The following CDC42BPA variants were observed in gnomAD, a reference collection of about 807,000 sequenced individuals.
CDC42BPA encodes CDC42 binding protein kinase alpha.
Under a neutral mutation model 223.5 loss-of-function variants are expected in CDC42BPA, and 80 were observed. That is an observed-to-expected ratio of 0.36 (90% CI 0.30 to 0.43). CDC42BPA has a LOEUF of 0.43. Ranked by LOEUF, CDC42BPA falls within the 20% of genes least tolerant of loss-of-function variation. The pLI, the probability that CDC42BPA is intolerant of heterozygous loss-of-function variation, is 1.00. For missense variants in CDC42BPA, 1,743 were observed against 2,099.9 expected (o/e 0.83, Z 3.32); for synonymous variants, 694 against 718.6 (o/e 0.97, Z 0.55).
intron 5 of CDC42BPA, among the ~76,000 whole-genome samples, chr1:227,168,571 C>G (rs950487428): frequency 7.2e-6 from 1 of 138,070 alleles, no homozygotes. Flanking sequence ...TCTCCGCTCG[C>G]TGCAAGCTCC....
intron 20 of CDC42BPA, among the ~76,000 whole-genome samples, chr1:227,071,179 T>C (rs776900331): frequency 2.6e-5 from 4 of 151,900 alleles, no homozygotes; most frequent in Non-Finnish European, 5.9e-5. Context: ...AGGCTTTTTC[T>C]TGTTAGCTTC....
intron 21 of CDC42BPA, 53 bp from the exon 22 acceptor site, chr1:227,052,038 T>A (rs55865118): frequency 0.14 from 151,996 of 1,120,602 alleles, 11,951 homozygotes; most frequent in African/African-American, 0.25. Context: ...TTTTCAACAA[T>A]GTGCAGGCTT....
At chr1:227,277,064 T>A in intron 1 of CDC42BPA, among the ~76,000 whole-genome samples, 2 of 118,220 alleles carry the variant, frequency 1.7e-5, no homozygotes, top group African/African-American at 6.5e-5. Context: ...CACCCAAGAA[T>A]GATCAATAAA....
At chr1:227,158,603 A>C (rs1218009007) in intron 6 of CDC42BPA, among the ~76,000 whole-genome samples, 1 of 152,182 alleles carries the variant, frequency 6.6e-6, no homozygotes, top group Non-Finnish European at 1.5e-5. Flanking sequence ...GAAGACTTCC[A>C]AACTCTATGG....
At chr1:227,255,151 G>A (rs997965280) in intron 1 of CDC42BPA, among the ~76,000 whole-genome samples, 6 of 152,132 alleles carry the variant, frequency 3.9e-5, no homozygotes, top group Admixed American at 2.0e-4. Flanking sequence ...AAGTTTAAAC[G>A]TGTCTCCTTT....
chr1:227,118,998 A>C (rs1447467302), intron 12 of CDC42BPA, among the ~76,000 whole-genome samples: 1 of 152,032 alleles, frequency 6.6e-6, no homozygotes, highest in Non-Finnish European at 1.5e-5. Context: ...AATTCCCTCC[A>C]TCTCCTTCCT....
Position 227,092,038 on chromosome 1 carries a change from T to C in CDC42BPA, c.2250-47A>G, listed in dbSNP as rs757857962. On this transcript the variant is annotated intron_variant, in intron 15 of 36. Transcript: ENST00000366766. Reference sequence around the variant, plus strand: ...AAGGAAAAAGGGGAATTAAAGGTCATTTGAAAACTTGAAATTATTTTTCCA... The same window carrying C: ...AAGGAAAAAGGGGAATTAAAGGTCACTTGAAAACTTGAAATTATTTTTCCA... 12 of 1,043,732 alleles carry C rather than the reference T, an allele frequency of 1.1e-5. 1 individual carries two copies. The South Asian group carries it at 1.8e-4, about 16-fold the overall frequency. The allele number at this position is 1,043,732 out of a possible 1,614,324, so 64.7% of individuals were successfully genotyped here.
At chr1:227,260,642 A>C (rs1490385122) in intron 1 of CDC42BPA, among the ~76,000 whole-genome samples, 1 of 151,212 alleles carries the variant, frequency 6.6e-6, no homozygotes, top group Non-Finnish European at 1.5e-5. Context: ...CAGAGTCTGA[A>C]GGAGTAAGAT....
intron 1 of CDC42BPA, among the ~76,000 whole-genome samples, chr1:227,284,044 A>G (rs957880014): frequency 1.3e-5 from 2 of 152,190 alleles, no homozygotes; most frequent in African/African-American, 2.4e-5. Context: ...TGGGCAACAC[A>G]GACTATATCT....
At chr1:227,291,418 A>G (rs1689675028) in intron 1 of CDC42BPA, among the ~76,000 whole-genome samples, 1 of 152,016 alleles carries the variant, frequency 6.6e-6, no homozygotes, top group Non-Finnish European at 1.5e-5. Context: ...GCATGGTGGC[A>G]CGCGCCTGTC....
At chr1:227,125,209 A>C (rs1290362571) in intron 11 of CDC42BPA, among the ~76,000 whole-genome samples, 1 of 151,388 alleles carries the variant, frequency 6.6e-6, no homozygotes, top group Admixed American at 6.6e-5. Flanking sequence ...CACAGAAAAA[A>C]AAAAACTGGC....
At chr1:227,095,256 G>A (rs145000161) in intron 15 of CDC42BPA, among the ~76,000 whole-genome samples, 14 of 152,280 alleles carry the variant, frequency 9.2e-5, no homozygotes, top group Non-Finnish European at 1.8e-4. Flanking sequence ...GTGATGTGTA[G>A]ACTTCCTATG....
intron 1 of CDC42BPA, among the ~76,000 whole-genome samples, chr1:227,304,497 A>G (rs1692223282): frequency 1.3e-5 from 2 of 152,292 alleles, no homozygotes; most frequent in South Asian, 4.1e-4. Context: ...AAAGGAAAAA[A>G]TTACTTTGAA....
chr1:227,293,626 G>A (rs560036542), intron 1 of CDC42BPA, among the ~76,000 whole-genome samples: 3 of 151,306 alleles, frequency 2.0e-5, no homozygotes, highest in East Asian at 3.9e-4. Flanking sequence ...GGGAGTTTGA[G>A]ACCAGCCTAA....
Position 227,317,221 on chromosome 1 carries a change from AT to A in CDC42BPA, c.-40del. On this transcript the variant is annotated 5_prime_UTR_variant, in exon 1 of 37. Transcript: ENST00000366766. Reference sequence around the variant, plus strand: ...TCTGCTGGTTTTCCTTTAAATTATTATGATGACTTTTACTATTATCTGAACC... The same window carrying A: ...TCTGCTGGTTTTCCTTTAAATTATTAGATGACTTTTACTATTATCTGAACC... 1 of 1,578,336 alleles carries A rather than the reference AT, an allele frequency of 6.3e-7. No individual in the cohort carries two copies. Among genetic ancestry groups the A allele is most frequent in the Non-Finnish European group, 8.6e-7 (1 of 1,162,684 alleles).
At chr1:227,185,202 G>C (rs72753628) in intron 5 of CDC42BPA, among the ~76,000 whole-genome samples, 25,783 of 151,762 alleles carry the variant, frequency 0.17, 2,338 homozygotes, top group Non-Finnish European at 0.19. Context: ...CCTCAATTGA[G>C]GTAGGAGTTA....
chr1:227,089,637 T>G (rs35651721), intron 16 of CDC42BPA, among the ~76,000 whole-genome samples: 20,228 of 145,018 alleles, frequency 0.14, 1,699 homozygotes, highest in South Asian at 0.33. Context: ...GTTTTTTTTT[T>G]TTTTTTTTTT....
chr1:227,168,497 G>GTGTTTTTTTTTTTTTTTTTTTTTTTT (rs1302291274), intron 5 of CDC42BPA, among the ~76,000 whole-genome samples: 13 of 80,196 alleles, frequency 1.6e-4, no homozygotes, highest in African/African-American at 2.0e-4. Context: ...CTTCCCTGGT[G>GTGTTTTTTTTTTTTTTTTTTTTTTTT]TTTTTTTTTT....
At chr1:227,168,748 C>T (rs561688118) in intron 5 of CDC42BPA, among the ~76,000 whole-genome samples, 2 of 152,146 alleles carry the variant, frequency 1.3e-5, no homozygotes, top group East Asian at 3.9e-4. Flanking sequence ...CCATCCGCCT[C>T]GGCCTCCCAA....
Sources: allele counts gnomAD v4.1 joint callset (sites outside exome capture counted in the v4.1 genomes callset), GRCh38; gene constraint gnomAD v4.1.1; transcripts MANE v1.5; gene names NCBI Gene and HGNC (gene_info 2026-07-23, HGNC 2026-07-21).